STON1: variants seen among roughly 807,000 people sequenced by gnomAD.
The protein encoded by STON1 is stonin 1, also known as stonin-1.
STON1 carries 79 observed loss-of-function variants against 60.9 expected under a neutral mutation model. That is an observed-to-expected ratio of 1.30 (90% CI 1.08 to 1.56). The LOEUF is 1.56. Ranked by LOEUF, STON1 falls within the 40% of genes most tolerant of loss-of-function variation. The probability of loss-of-function intolerance (pLI) is 0.00; values close to 1 mark genes in which losing one functional copy is unlikely to be tolerated. For missense variants in STON1, 1,166 were observed against 858.9 expected, an observed-to-expected ratio of 1.36 and a Z score of -4.47; for synonymous variants, 363 against 306.9, an observed-to-expected ratio of 1.18 and a Z score of -1.91.
chr2:48,532,414 G>A (rs1671251236), intron 1 of STON1, among the ~76,000 whole-genome samples: 1 of 136,376 alleles, frequency 7.3e-6, no homozygotes, highest in Non-Finnish European at 1.5e-5. Flanking sequence ...TTGTGACTGT[G>A]ACTTCCATTC....
intron 1 of STON1, among the ~76,000 whole-genome samples, chr2:48,533,968 C>A (rs1401018747): frequency 6.6e-6 from 1 of 151,902 alleles, no homozygotes; most frequent in African/African-American, 2.4e-5. Flanking sequence ...GGGGTTTCTC[C>A]ATGTTGGTCA....
Position 48,581,760 on chromosome 2 carries a change from T to C in STON1, c.1127T>C (p.Leu376Pro). 1 of 1,613,474 alleles carries C rather than the reference T, an allele frequency of 6.2e-7. No homozygotes were observed. Among genetic ancestry groups the C allele is most frequent in the Non-Finnish European group, 8.5e-7 (1 of 1,179,908 alleles). Reference sequence around the variant, plus strand: ...CATGAACCTGACATAGAGCAGATGCTGAAGTTGGGGTCCACATCGTACCAT... The same window carrying C: ...CATGAACCTGACATAGAGCAGATGCCGAAGTTGGGGTCCACATCGTACCAT... Reference protein sequence around the residue: ...VVHEPDIEQMLKLGSTSYHDF... With the variant: ...VVHEPDIEQMPKLGSTSYHDF... The change falls in exon 2 of 4, where the codon CTG (leucine) becomes CCG (proline). Residue 376 changes from leucine to proline, a missense_variant. Leu to Pro is a moderately conservative substitution (Grantham distance 98). Coordinates refer to ENST00000404752, the MANE Select transcript of STON1 (RefSeq NM_006873.4).
chr2:48,582,301 A>C lies in STON1; in HGVS notation c.1668A>C (p.Ser556=), dbSNP rs1297548881. ...FVNMASLAQR[S]SYAGSLRSCD... ...ACATGGCCTCATTGGCGCAGAGGTC[A>C]TCCTATGCTGGTTCCTTAAGGTCCT... is the stretch of plus-strand genomic sequence containing the variant. The change falls in exon 2 of 4, where the codon TCA becomes TCC. Residue 556 remains serine, a synonymous_variant. Transcript: ENST00000404752. The C allele has an allele frequency of 1.2e-6, 2 of 1,614,102 alleles. No homozygotes were observed. The highest frequency in any genetic ancestry group is 2.7e-5 in the African/African-American group (2 of 74,930).
intron 1 of STON1, among the ~76,000 whole-genome samples, chr2:48,577,719 G>A (rs1376742204): frequency 1.7e-4 from 25 of 149,370 alleles, no homozygotes; most frequent in Non-Finnish European, 3.0e-4. Flanking sequence ...GGGTTCAAGC[G>A]ATTCTCCTGC....
chr2:48,541,871 T>C (rs181969688), intron 1 of STON1, among the ~76,000 whole-genome samples: 1 of 152,168 alleles, frequency 6.6e-6, no homozygotes, highest in African/African-American at 2.4e-5. Context: ...CCCTGCACGC[T>C]TACTGCGGTG....
At chr2:48,552,479 C>T (rs1437524880) in intron 1 of STON1, among the ~76,000 whole-genome samples, 3 of 152,078 alleles carry the variant, frequency 2.0e-5, no homozygotes, top group Non-Finnish European at 4.4e-5. Context: ...TGTACACTTA[C>T]AGGCCGGGTG....
At chr2:48,542,237 C>T (rs1011167872) in intron 1 of STON1, among the ~76,000 whole-genome samples, 1 of 152,194 alleles carries the variant, frequency 6.6e-6, no homozygotes, top group Non-Finnish European at 1.5e-5. Context: ...GCAGTCTACA[C>T]AAAGATATTT....
chr2:48,549,742 G>A (rs1161840973), intron 1 of STON1, among the ~76,000 whole-genome samples: 1 of 148,340 alleles, frequency 6.7e-6, no homozygotes, highest in East Asian at 2.0e-4. Flanking sequence ...AACTCAGGGG[G>A]ACAGAGGTTG....
At chr2:48,535,309 A>G (rs1333268468) in intron 1 of STON1, among the ~76,000 whole-genome samples, 3 of 152,188 alleles carry the variant, frequency 2.0e-5, no homozygotes, top group Non-Finnish European at 4.4e-5. Flanking sequence ...AAGCTTGCCT[A>G]TGTGGGTGAT....
At chr2:48,571,968 G>C (rs182051751) in intron 1 of STON1, among the ~76,000 whole-genome samples, 4 of 152,284 alleles carry the variant, frequency 2.6e-5, no homozygotes, top group African/African-American at 7.2e-5. Context: ...TTCGAGACCA[G>C]CCTGGCCAAC....
chr2:48,571,923 G>C (rs1443537572), intron 1 of STON1, among the ~76,000 whole-genome samples: 2 of 152,198 alleles, frequency 1.3e-5, no homozygotes, highest in African/African-American at 4.8e-5. Flanking sequence ...CCAGCACTTT[G>C]GGAGGCCAAG....
intron 1 of STON1, among the ~76,000 whole-genome samples, chr2:48,562,833 G>A (rs1210275651): frequency 1.3e-5 from 2 of 152,214 alleles, no homozygotes; most frequent in African/African-American, 4.8e-5. Flanking sequence ...TTGAGACCAT[G>A]AGCCCCAGCA....
intron 1 of STON1, among the ~76,000 whole-genome samples, chr2:48,543,533 T>C: frequency 6.8e-6 from 1 of 147,228 alleles, no homozygotes; most frequent in African/African-American, 2.5e-5. Context: ...AGATAACTTT[T>C]TTTTTTTTTT....
intron 1 of STON1, among the ~76,000 whole-genome samples, chr2:48,551,981 G>T (rs1309762189): frequency 6.6e-6 from 1 of 152,184 alleles, no homozygotes; most frequent in Non-Finnish European, 1.5e-5. Context: ...CCTGTGTTTT[G>T]GGTGGACTCT....
rs147930121 is a variant in STON1 at position 48,580,731 on chromosome 2, G to C, written c.98G>C (p.Gly33Ala). The change falls in exon 2 of 4, where the codon GGT becomes GCT. Residue 33 changes from glycine to alanine, a missense_variant. Gly to Ala is a moderately conservative substitution (Grantham distance 60). Coordinates refer to ENST00000404752, the MANE Select transcript of STON1 (RefSeq NM_006873.4). ...KSKNFPLENQ[G>A]VCRPNGLKLN... Reference sequence around the variant, plus strand: ...AAGAATTTTCCTCTGGAGAATCAAGGTGTCTGTAGACCAAATGGACTGAAG... The same window carrying C: ...AAGAATTTTCCTCTGGAGAATCAAGCTGTCTGTAGACCAAATGGACTGAAG... 6.6e-7 allele frequency: 1 copy of C among 1,509,512 alleles called. No individual in the cohort carries two copies. Among genetic ancestry groups the C allele is most frequent in the South Asian group, 1.4e-5 (1 of 73,170 alleles). The allele number at this position is 1,509,512 out of a possible 1,614,324, so 93.5% of individuals were successfully genotyped here.
intron 1 of STON1, among the ~76,000 whole-genome samples, chr2:48,564,891 C>G (rs1229995492): frequency 6.7e-6 from 1 of 149,730 alleles, no homozygotes; most frequent in Non-Finnish European, 1.5e-5. Context: ...CACCACCACG[C>G]CCGGCTAATT....
Position 48,580,776 on chromosome 2 carries a change from G to A in STON1, c.143G>A (p.Arg48Lys). Residue 48 changes from arginine to lysine, a missense_variant, in exon 2 of 4, where the codon AGG becomes AAG. Coordinates refer to ENST00000404752, the MANE Select transcript of STON1 (RefSeq NM_006873.4). ...NGLKLNLPGLREFPSGSSSTS... is the reference protein window; with the variant it reads ...NGLKLNLPGLKEFPSGSSSTS... ...CTGAAGCTGAACCTTCCTGGCCTCA[G>A]GGAATTTCCCAGTGGATCTTCCTCC... 1 of 1,557,094 alleles carries A rather than the reference G, an allele frequency of 6.4e-7. No homozygotes were observed. Among genetic ancestry groups the A allele is most frequent in the Non-Finnish European group, 8.7e-7 (1 of 1,152,840 alleles).
Position 48,569,727 on chromosome 2 carries a change from T to C in STON1, c.-47-10860T>C, listed in dbSNP as rs74405734. On this transcript the variant is annotated intron_variant, in intron 1 of 3. Transcript: ENST00000404752. ...TTTCCATACCAGTGCTTCTTATTTA[T>C]AGGGCTTGTTGCAAGTAATTTGCAA... is the stretch of plus-strand genomic sequence containing the variant. Among the ~76,000 whole-genome samples the C allele has an allele frequency of 9.3e-3, 1,415 of 152,318 alleles. 27 individuals carry two copies. Among genetic ancestry groups the C allele is most frequent in the African/African-American group, 0.033 (1,376 of 41,568 alleles).
intron 1 of STON1, among the ~76,000 whole-genome samples, chr2:48,576,437 G>A (rs1048930771): frequency 1.3e-5 from 2 of 150,400 alleles, no homozygotes; most frequent in East Asian, 2.0e-4. Context: ...TGATCCTCCC[G>A]CCTCGGCTTT....
Sources: gnomAD v4.1 joint callset for allele counts (sites outside exome capture counted in the v4.1 genomes callset) on GRCh38, gnomAD v4.1.1 for gene constraint, MANE v1.5 for transcripts, NCBI Gene and HGNC (gene_info 2026-07-23, HGNC 2026-07-21) for gene names.